The following ITPK1 variants were observed in gnomAD, a reference collection of about 807,000 sequenced individuals.
ITPK1 encodes inositol-tetrakisphosphate 1-kinase, also known as inositol 1,3,4-trisphosphate 5/6-kinase.
ITPK1 carries 21 observed loss-of-function variants against 45.3 expected under a neutral mutation model. That is an observed-to-expected ratio of 0.46 (90% CI 0.33 to 0.67). ITPK1 has a LOEUF of 0.67. ITPK1 is among the 30% of genes least tolerant of loss of function. The pLI, the probability that ITPK1 is intolerant of heterozygous loss-of-function variation, is 0.02. For missense variants in ITPK1, 474 were observed against 573.5 expected (o/e 0.83, Z 1.77); for synonymous variants, 258 against 253.6 (o/e 1.02, Z -0.16).
At chr14:93,065,739 G>A (rs1890717553) in intron 3 of ITPK1, among the ~76,000 whole-genome samples, 1 of 152,210 alleles carries the variant, frequency 6.6e-6, no homozygotes, top group South Asian at 2.1e-4. Context: ...TAGGTCCAGA[G>A]ACACCCAGGG....
intron 2 of ITPK1, among the ~76,000 whole-genome samples, chr14:93,082,448 T>C (rs1449725716): frequency 6.8e-6 from 1 of 146,348 alleles, no homozygotes; most frequent in African/African-American, 2.8e-5. Flanking sequence ...CAGACCCCCC[T>C]GTACCTTGTG....
At chr14:93,004,851 A>G (rs1251403803) in intron 4 of ITPK1, among the ~76,000 whole-genome samples, 1 of 151,832 alleles carries the variant, frequency 6.6e-6, no homozygotes, top group African/African-American at 2.4e-5. Flanking sequence ...AAAGGGCCAC[A>G]GGCATGGGCC....
chr14:92,992,480 A>G (rs766423419), intron 5 of ITPK1, among the ~76,000 whole-genome samples: 1 of 152,218 alleles, frequency 6.6e-6, no homozygotes, highest in Non-Finnish European at 1.5e-5. Flanking sequence ...ATGTGCTAAG[A>G]AAGCCTGCCT....
intron 4 of ITPK1, among the ~76,000 whole-genome samples, chr14:93,005,868 C>A (rs950729123): frequency 6.6e-6 from 1 of 152,152 alleles, no homozygotes; most frequent in African/African-American, 2.4e-5. Flanking sequence ...GACAGGGAGG[C>A]CGTTTAACAT....
intron 2 of ITPK1, among the ~76,000 whole-genome samples, chr14:93,103,147 G>A (rs1407995686): frequency 1.3e-5 from 2 of 148,642 alleles, no homozygotes; most frequent in African/African-American, 2.5e-5. Context: ...AGAAAAATAG[G>A]GCCGGGCATG....
At chr14:93,007,938 C>G (rs553218424) in intron 4 of ITPK1, among the ~76,000 whole-genome samples, 1 of 152,208 alleles carries the variant, frequency 6.6e-6, no homozygotes, top group Non-Finnish European at 1.5e-5. Context: ...GGAGCTGGCA[C>G]GATATTTTGT....
At chr14:93,104,537 A>AGGC (rs1397800698) in intron 2 of ITPK1, among the ~76,000 whole-genome samples, 2 of 152,108 alleles carry the variant, frequency 1.3e-5, no homozygotes, top group African/African-American at 4.8e-5. Flanking sequence ...TTGAAGACAA[A>AGGC]GGCAACCTGG....
chr14:93,029,817 C>G (rs1232169599), intron 3 of ITPK1, among the ~76,000 whole-genome samples: 1 of 152,194 alleles, frequency 6.6e-6, no homozygotes, highest in Non-Finnish European at 1.5e-5. Context: ...CACTGACCCT[C>G]CCAGGCCCAA....
chr14:92,969,840 C>A (rs1171332623), intron 5 of ITPK1, among the ~76,000 whole-genome samples: 3 of 152,072 alleles, frequency 2.0e-5, no homozygotes, highest in African/African-American at 7.2e-5. Flanking sequence ...GGGTTGTGTT[C>A]TTTTGAGAGC....
At chr14:93,081,100 T>A (rs1843699988) in intron 2 of ITPK1, among the ~76,000 whole-genome samples, 1 of 150,990 alleles carries the variant, frequency 6.6e-6, no homozygotes, top group African/African-American at 2.4e-5. Flanking sequence ...GAGGCCGAGG[T>A]GGGCCTCCCA....
intron 5 of ITPK1, among the ~76,000 whole-genome samples, chr14:92,977,485 G>T (rs1422118557): frequency 6.6e-6 from 1 of 152,214 alleles, no homozygotes; most frequent in African/African-American, 2.4e-5. Context: ...TTCTAAGCCA[G>T]CCGACGTGGT....
Position 92,938,321 on chromosome 14 carries a change from A to G in ITPK1, c.*3240T>C. On this transcript the variant is annotated 3_prime_UTR_variant, in exon 11 of 11. Transcript: ENST00000267615. ...CCCAGGGACATTAGTGAAGCCATTC[A>G]GCAGTTGTGGCCAGTGGCCAATGTG... is the stretch of plus-strand genomic sequence containing the variant. The G allele has an allele frequency of 1.5e-6, 1 of 661,540 alleles. No homozygotes were observed. Among genetic ancestry groups the G allele is most frequent in the African/African-American group, 1.8e-5 (1 of 55,812 alleles). The allele number at this position is 661,540 out of a possible 1,614,324, so 41.0% of individuals were successfully genotyped here.
At chr14:92,959,880 G>C (rs905536520) in intron 7 of ITPK1, among the ~76,000 whole-genome samples, 2 of 152,174 alleles carry the variant, frequency 1.3e-5, no homozygotes, top group Non-Finnish European at 2.9e-5. Context: ...TCAGAGGCCG[G>C]GAGTGCGCGG....
chr14:92,969,431 G>A (rs1303143567), intron 5 of ITPK1, among the ~76,000 whole-genome samples: 1 of 152,202 alleles, frequency 6.6e-6, no homozygotes, highest in African/African-American at 2.4e-5. Context: ...AACAGCCGGT[G>A]CAAAGGCCCA....
At chr14:92,947,637 G>A (rs956338997) in intron 9 of ITPK1, among the ~76,000 whole-genome samples, 3 of 152,246 alleles carry the variant, frequency 2.0e-5, no homozygotes, top group Admixed American at 6.5e-5. Flanking sequence ...GCATGTGCCC[G>A]GCTGGGAGGA....
intron 8 of ITPK1, 108 bp from the exon 9 acceptor site, chr14:92,952,121 C>T (rs1304819559): frequency 1.1e-6 from 1 of 891,480 alleles, no homozygotes; most frequent in East Asian, 2.6e-5. Flanking sequence ...AACACGTGGC[C>T]CCCGGCTCTG....
chr14:92,993,793 C>T (rs1886908183), intron 5 of ITPK1, 87 bp downstream of exon 5: 3 of 806,454 alleles, frequency 3.7e-6, no homozygotes, highest in Non-Finnish European at 2.2e-6. Flanking sequence ...AGACAAGACC[C>T]CTCTGTCTCC....
At chr14:92,943,385 G>A (rs1022568721) in intron 10 of ITPK1, among the ~76,000 whole-genome samples, 11 of 152,260 alleles carry the variant, frequency 7.2e-5, no homozygotes, top group African/African-American at 2.7e-4. Context: ...AAGAGGCAGA[G>A]TGGGATCTGA....
chr14:92,944,437 T>G (rs1321259302), intron 10 of ITPK1, among the ~76,000 whole-genome samples: 2 of 152,070 alleles, frequency 1.3e-5, no homozygotes, highest in Non-Finnish European at 2.9e-5. Flanking sequence ...GAACCCTCCC[T>G]GTCCACACTG....
Sources: gnomAD v4.1 joint callset for allele counts (sites outside exome capture counted in the v4.1 genomes callset) on GRCh38, gnomAD v4.1.1 for gene constraint, MANE v1.5 for transcripts, NCBI Gene and HGNC (gene_info 2026-07-23, HGNC 2026-07-21) for gene names.